Variants in ZSWIM3 observed in about 807,000 individuals in gnomAD.
The protein encoded by ZSWIM3 is zinc finger SWIM-type containing 3.
In ZSWIM3, 27 loss-of-function variants were observed where a neutral mutation model predicts 47.5. The ratio of observed to expected loss-of-function variants is 0.57; its 90% CI spans 0.42 to 0.78. ZSWIM3 has a LOEUF of 0.78. Among genes scored for constraint, ZSWIM3 ranks in the 30% least tolerant of loss-of-function variants. ZSWIM3 has a pLI of 0.00. For missense variants in ZSWIM3, 689 were observed against 861.3 expected (o/e 0.80, Z 2.50); for synonymous variants, 333 against 333.9 (o/e 1.00, Z 0.03).
At chr20:45,872,312 G>A (rs994233775) in intron 1 of ZSWIM3, among the ~76,000 whole-genome samples, 13 of 152,204 alleles carry the variant, frequency 8.5e-5, no homozygotes, top group Non-Finnish European at 7.4e-5. Flanking sequence ...CCAGGTTCCC[G>A]CCCTGGGAGG....
chr20:45,870,398 G>A (rs560396479), intron 1 of ZSWIM3, among the ~76,000 whole-genome samples: 4 of 151,578 alleles, frequency 2.6e-5, no homozygotes, highest in East Asian at 1.9e-4. Context: ...TCTTTGTCCC[G>A]AATTGGGCCA....
chr20:45,864,387 G>A (rs6073935), intron 1 of ZSWIM3, among the ~76,000 whole-genome samples: 2,136 of 152,240 alleles, frequency 0.014, 26 homozygotes, highest in Admixed American at 0.021. Context: ...TGAGTGATAC[G>A]TGGGTGTCTT....
chr20:45,870,867 G>A (rs1372716856), intron 1 of ZSWIM3, among the ~76,000 whole-genome samples: 1 of 151,824 alleles, frequency 6.6e-6, no homozygotes, highest in Non-Finnish European at 1.5e-5. Context: ...CTAATTTTTT[G>A]TATTTTTAGT....
Position 45,857,662 on chromosome 20 carries a change from G to C in ZSWIM3, c.-164G>C, listed in dbSNP as rs934905924. ...TCCTCTTGTAACCCGGTCAGGCCTA[G>C]GGTTCCTCCCTGAGTTCCAGAATAG... On this transcript the variant is annotated 5_prime_UTR_variant, in exon 1 of 2. Transcript: ENST00000255152. 241 of 828,616 alleles carry C rather than the reference G, an allele frequency of 2.9e-4. 2 individuals carry two copies. Among genetic ancestry groups the C allele is most frequent in the Non-Finnish European group, 4.6e-5 (24 of 517,138 alleles). 51.3% of individuals were successfully genotyped at this position (828,616 alleles called of 1,614,324 possible). A position where few individuals can be genotyped will look rare whatever the true frequency, so the allele number is the denominator to read the frequency against.
In ZSWIM3 at chr20:45,878,016, A is replaced by T; in HGVS notation, c.1458A>T (p.Gln486His). Residue 486 changes from glutamine to histidine, a missense_variant, in exon 2 of 2, where the codon CAA becomes CAT. By Grantham distance (24) the Gln-to-His change is conservative (BLOSUM62 0). Transcript: ENST00000255152. ...AQQVQVQQQS[Q>H]VPPSQVGMLD... Reference sequence around the variant, plus strand: ...AGGTACAGGTACAGCAGCAGTCACAAGTGCCGCCCTCGCAGGTTGGCATGC... The same window carrying T: ...AGGTACAGGTACAGCAGCAGTCACATGTGCCGCCCTCGCAGGTTGGCATGC... 1 of 1,614,106 alleles carries T rather than the reference A, an allele frequency of 6.2e-7. No homozygotes were observed. The highest frequency in any genetic ancestry group is 8.5e-7 in the Non-Finnish European group (1 of 1,180,004).
Position 45,877,690 on chromosome 20 carries a change from T to C in ZSWIM3, c.1132T>C (p.Tyr378His). 12 of 1,614,102 alleles carry C rather than the reference T, an allele frequency of 7.4e-6. No homozygotes were observed. The highest frequency in any genetic ancestry group is 9.3e-6 in the Non-Finnish European group (11 of 1,179,966). The change falls in exon 2 of 2, where the codon TAC (tyrosine) becomes CAC (histidine). Residue 378 changes from tyrosine to histidine, a missense_variant. Physicochemically the swap from Tyr to His is moderately conservative, Grantham distance 83. Coordinates refer to ENST00000255152, the MANE Select transcript of ZSWIM3 (RefSeq NM_080752.4). Reference sequence around the variant, plus strand: ...CTGGTTCACCTGTGAACTGCTGTGGTACATGCATGTTAGGAAGGGCCTGCT... The same window carrying C: ...CTGGTTCACCTGTGAACTGCTGTGGCACATGCATGTTAGGAAGGGCCTGCT... ...AHWFTCELLW[Y>H]MHVRKGLLAC...
At position 45,857,710 on chromosome 20, in the gene ZSWIM3, T is replaced by C; in HGVS notation, c.-116T>C. The C allele has an allele frequency of 7.5e-7, 1 of 1,331,194 alleles. No individual in the cohort carries two copies. The highest frequency in any genetic ancestry group is 2.1e-4 in the Middle Eastern group (1 of 4,760). 82.5% of individuals were successfully genotyped at this position (1,331,194 alleles called of 1,614,324 possible). A position where few individuals can be genotyped will look rare whatever the true frequency, so the allele number is the denominator to read the frequency against. On this transcript the variant is annotated 5_prime_UTR_variant, in exon 1 of 2. Coordinates refer to ENST00000255152, the MANE Select transcript of ZSWIM3 (RefSeq NM_080752.4). Reference sequence around the variant, plus strand: ...TAGGCCACCCAGTTGGGGCGGACCCTTAAGGCATTCTGGGCCCACGCCTGC... The same window carrying C: ...TAGGCCACCCAGTTGGGGCGGACCCCTAAGGCATTCTGGGCCCACGCCTGC...
In ZSWIM3 at chr20:45,857,816, G is replaced by A. The variant is rs760317944; in HGVS notation, c.-10G>A. The A allele has an allele frequency of 6.2e-7, 1 of 1,613,232 alleles. No homozygotes were observed. Among genetic ancestry groups the A allele is most frequent in the East Asian group, 2.2e-5 (1 of 44,874 alleles). The stretch of plus-strand genomic sequence containing the variant: ...GGGACCAGCCCCTAGTGTGGGTTGT[G>A]GGGGCGGCCATGGAGCTGGGCAGCT... On this transcript the variant is annotated 5_prime_UTR_variant, in exon 1 of 2. Coordinates refer to ENST00000255152, the MANE Select transcript of ZSWIM3 (RefSeq NM_080752.4).
rs143640121 is a variant in ZSWIM3 at position 45,876,335 on chromosome 20, G to A, written c.156-379G>A. Among the ~76,000 whole-genome samples the A allele has an allele frequency of 6.5e-4, 99 of 151,366 alleles. No individual in the cohort carries two copies. The East Asian group carries it at 0.011, about 17-fold the overall frequency. ...GCTGGGATTACAGGTGTGAGCCACCGCGCCCAGCTGTTTGTTTTTTTGAGA... is the reference window on the plus strand; with the variant it reads ...GCTGGGATTACAGGTGTGAGCCACCACGCCCAGCTGTTTGTTTTTTTGAGA... On this transcript the variant is annotated intron_variant, in intron 1 of 1. Transcript: ENST00000255152.
chr20:45,877,920 G>C lies in ZSWIM3; in HGVS notation c.1362G>C (p.Lys454Asn). The stretch of plus-strand genomic sequence containing the variant: ...CGGCAAGCATGCCACTGAAGTCCAA[G>C]AAGGCTTTTGGAATCTGTGGAGAGA... ...ARPASMPLKS[K>N]KAFGICGESL... The change falls in exon 2 of 2, where the codon AAG becomes AAC. Residue 454 changes from lysine (K) to asparagine (N), a missense_variant. Coordinates refer to ENST00000255152, the MANE Select transcript of ZSWIM3 (RefSeq NM_080752.4). The C allele has an allele frequency of 6.2e-7, 1 of 1,614,202 alleles. No homozygotes were observed. The highest frequency in any genetic ancestry group is 1.1e-5 in the South Asian group (1 of 91,084).
chr20:45,867,226 C>G (rs112618062), intron 1 of ZSWIM3, among the ~76,000 whole-genome samples: 1,953 of 151,952 alleles, frequency 0.013, 22 homozygotes, highest in Non-Finnish European at 0.02. Context: ...AGGCTGGTCT[C>G]GAACTCCTGA....
intron 1 of ZSWIM3, among the ~76,000 whole-genome samples, chr20:45,868,011 A>G (rs965098998): frequency 1.7e-4 from 26 of 152,214 alleles, no homozygotes; most frequent in African/African-American, 6.0e-4. Flanking sequence ...CTTGCTAACA[A>G]ACTACTTATA....
At position 45,862,150 on chromosome 20, in the gene ZSWIM3, G is replaced by T. The variant is rs6017706; in HGVS notation, c.155+4170G>T. Among the ~76,000 whole-genome samples, 43 of 142,108 alleles carry T rather than the reference G, an allele frequency of 3.0e-4. 1 individual carries two copies. The highest frequency in any genetic ancestry group is 8.2e-4 in the African/African-American group (32 of 39,036). The allele number at this position is 142,108 out of a possible 152,430, so 93.2% of individuals were successfully genotyped here. ...CTGCATTAGCTTTTGGTTTTTTTTGGTTTTTTTTTTTTTTGAGAGATGGAG... is the reference window on the plus strand; with the variant it reads ...CTGCATTAGCTTTTGGTTTTTTTTGTTTTTTTTTTTTTTTGAGAGATGGAG... On this transcript the variant is annotated intron_variant, in intron 1 of 1. Transcript: ENST00000255152.
chr20:45,864,757 G>T (rs1985794347), intron 1 of ZSWIM3, among the ~76,000 whole-genome samples: 1 of 152,030 alleles, frequency 6.6e-6, no homozygotes, highest in African/African-American at 2.4e-5. Flanking sequence ...GCTACTCAGG[G>T]GGCTGAGGCA....
chr20:45,871,683 C>T (rs1443462534), intron 1 of ZSWIM3, among the ~76,000 whole-genome samples: 1 of 148,356 alleles, frequency 6.7e-6, no homozygotes, highest in Non-Finnish European at 1.5e-5. Context: ...AACCCCATCT[C>T]TACTAAAAAA....
chr20:45,862,029 AAAAT>A (rs1568744831), intron 1 of ZSWIM3, among the ~76,000 whole-genome samples: 2 of 150,562 alleles, frequency 1.3e-5, no homozygotes, highest in Non-Finnish European at 3.0e-5. Context: ...ACTCTGTCTC[AAAAT>A]AAATAAATAA....
chr20:45,864,994 C>T (rs1219083747), intron 1 of ZSWIM3, among the ~76,000 whole-genome samples: 1 of 151,954 alleles, frequency 6.6e-6, no homozygotes, highest in Non-Finnish European at 1.5e-5. Context: ...CACGGAGAAA[C>T]CCTGTCTCTA....
intron 1 of ZSWIM3, among the ~76,000 whole-genome samples, chr20:45,863,479 G>A (rs1395780513): frequency 6.6e-6 from 1 of 152,156 alleles, no homozygotes; most frequent in Non-Finnish European, 1.5e-5. Context: ...AGAAAAAACT[G>A]TCAGCCCTGA....
intron 1 of ZSWIM3, among the ~76,000 whole-genome samples, chr20:45,859,840 T>A (rs957285154): frequency 2.0e-5 from 3 of 148,892 alleles, no homozygotes; most frequent in Non-Finnish European, 3.0e-5. Flanking sequence ...TAAACACCCT[T>A]CAGGAAGACC....
Sources: allele counts gnomAD v4.1 joint callset (sites outside exome capture counted in the v4.1 genomes callset), GRCh38; gene constraint gnomAD v4.1.1; transcripts MANE v1.5; gene names NCBI Gene and HGNC (gene_info 2026-07-23, HGNC 2026-07-21).